Variants in TRMT11 observed in about 807,000 individuals in gnomAD.
TRMT11 encodes the protein tRNA (guanine(10)-N(2))-methyltransferase TRMT11.
TRMT11 carries 53 observed loss-of-function variants against 62.8 expected under a neutral mutation model. The ratio of observed to expected loss-of-function variants is 0.84; its 90% CI spans 0.68 to 1.06. The LOEUF (loss-of-function observed/expected upper bound fraction) is 1.06. Among genes scored for constraint, TRMT11 ranks in the 50% least tolerant of loss-of-function variants. The probability of loss-of-function intolerance (pLI) is 0.00; values close to 1 mark genes in which losing one functional copy is unlikely to be tolerated. For missense variants in TRMT11, 556 were observed against 553.4 expected (o/e 1.00, Z -0.05); for synonymous variants, 188 against 190.3 (o/e 0.99, Z 0.10).
intron 8 of TRMT11, chr6:126,009,546 A>G (rs572376778): frequency 6.6e-6 from 1 of 152,104 alleles, no homozygotes; most frequent in Non-Finnish European, 1.5e-5. Flanking sequence ...TTCCTCACCC[A>G]GTATAAGTTA....
intron 17 of TRMT11, among the ~76,000 whole-genome samples, chr6:126,072,793 C>T (rs1350844970): frequency 6.6e-6 from 1 of 152,038 alleles, no homozygotes; most frequent in Non-Finnish European, 1.5e-5. Context: ...GAGCAGAGAT[C>T]CTCTCTCTTA....
chr6:126,115,315 A>G (rs1357313320), intron 19 of TRMT11, among the ~76,000 whole-genome samples: 1 of 152,118 alleles, frequency 6.6e-6, no homozygotes, highest in Non-Finnish European at 1.5e-5. Flanking sequence ...CGTTATAAAC[A>G]CTTGGTATTT....
At chr6:126,101,081 A>C (rs901165989) in intron 17 of TRMT11, among the ~76,000 whole-genome samples, 1 of 152,108 alleles carries the variant, frequency 6.6e-6, no homozygotes, top group Non-Finnish European at 1.5e-5. Flanking sequence ...GCAGTTATAA[A>C]TACAGATGAA....
At chr6:126,221,208 G>A in the TRMT11 span, among the ~76,000 whole-genome samples, 1 of 152,138 alleles carries the variant, frequency 6.6e-6, no homozygotes, top group African/African-American at 2.4e-5. Flanking sequence ...TGTGAATAGG[G>A]CTGCAATGAA....
chr6:126,205,838 C>G (rs191398410), downstream of TRMT11, among the ~76,000 whole-genome samples: 1 of 150,516 alleles, frequency 6.6e-6, no homozygotes, highest in Admixed American at 6.7e-5. Context: ...AAAAAGATGG[C>G]GGAAACCTCA....
At chr6:126,136,176 T>A (rs749090931) in intron 21 of TRMT11, among the ~76,000 whole-genome samples, 1 of 151,480 alleles carries the variant, frequency 6.6e-6, no homozygotes, top group Non-Finnish European at 1.5e-5. Flanking sequence ...ACATCCAAAT[T>A]GGAAAGCAGG....
chr6:126,040,993 C>T (rs904706098), downstream of TRMT11, among the ~76,000 whole-genome samples: 1 of 152,030 alleles, frequency 6.6e-6, no homozygotes, highest in East Asian at 1.9e-4. Flanking sequence ...CAGCTTTGGG[C>T]CAGCTTGCCA....
intron 1 of TRMT11, among the ~76,000 whole-genome samples, chr6:126,180,398 C>T (rs968660085): frequency 1.6e-4 from 24 of 152,238 alleles, no homozygotes; most frequent in African/African-American, 5.5e-4. Flanking sequence ...TCATTCATTA[C>T]ACAGTCTATC....
At chr6:126,110,175 G>A (rs897332797) in intron 17 of TRMT11, among the ~76,000 whole-genome samples, 2 of 152,110 alleles carry the variant, frequency 1.3e-5, no homozygotes, top group African/African-American at 2.4e-5. Context: ...CACCTTATCT[G>A]CTATGGAGGC....
chr6:126,258,287 C>A, the TRMT11 span: 3 of 490,152 alleles, frequency 6.1e-6, no homozygotes, highest in Non-Finnish European at 1.2e-5. Context: ...AAAGTAAACA[C>A]GTGGTCCTGA....
the TRMT11 span, among the ~76,000 whole-genome samples, chr6:126,253,351 T>C: frequency 6.6e-6 from 1 of 152,218 alleles, no homozygotes; most frequent in South Asian, 2.1e-4. Context: ...AGGATTTTCC[T>C]GAGGCTGTTT....
intron 21 of TRMT11, among the ~76,000 whole-genome samples, chr6:126,147,989 A>G (rs144703700): frequency 1.3e-3 from 199 of 152,282 alleles, no homozygotes; most frequent in Non-Finnish European, 2.0e-3. Flanking sequence ...TGGCACATGT[A>G]TACTTATGTA....
At chr6:125,993,393 C>G (rs1423633817) in intron 1 of TRMT11, among the ~76,000 whole-genome samples, 2 of 152,018 alleles carry the variant, frequency 1.3e-5, no homozygotes, top group African/African-American at 2.4e-5. Flanking sequence ...TTATTTTTTT[C>G]TTTTCCAAAC....
chr6:125,994,313 C>CT (rs562039253), intron 2 of TRMT11, among the ~76,000 whole-genome samples: 66 of 145,856 alleles, frequency 4.5e-4, no homozygotes, highest in South Asian at 6.5e-4. Flanking sequence ...GCCTTCCAGT[C>CT]TTTTTTTTTT....
In TRMT11 at chr6:125,993,739, G is replaced by A. The variant is rs1405385315; in HGVS notation, c.73-18G>A. ...CTTTTTGTTAAAATGTATTTTCTCT[G>A]TAATATTTTCAATACAGGAAATAAA... On this transcript the variant is annotated intron_variant, in intron 1 of 12. Transcript: ENST00000334379. 2 of 1,556,020 alleles carry A rather than the reference G, an allele frequency of 1.3e-6. No individual in the cohort carries two copies. The highest frequency in any genetic ancestry group is 1.8e-6 in the Non-Finnish European group (2 of 1,129,504).
chr6:126,224,822 C>G, the TRMT11 span, among the ~76,000 whole-genome samples: 3 of 152,232 alleles, frequency 2.0e-5, no homozygotes, highest in Non-Finnish European at 2.9e-5. Context: ...GTTCTACATA[C>G]TTGCACGCAC....
intron 1 of TRMT11, among the ~76,000 whole-genome samples, chr6:125,990,984 C>T (rs546956794): frequency 1.8e-3 from 277 of 152,146 alleles, no homozygotes; most frequent in African/African-American, 6.4e-3. Context: ...CAGTGGCTCA[C>T]TCCTGTAATT....
intron 17 of TRMT11, among the ~76,000 whole-genome samples, chr6:126,097,197 A>C (rs966408864): frequency 2.0e-5 from 3 of 152,212 alleles, no homozygotes; most frequent in African/African-American, 7.2e-5. Context: ...TTGTGAACTT[A>C]GGAGTTCTAA....
intron 17 of TRMT11, among the ~76,000 whole-genome samples, chr6:126,090,407 A>G (rs1257461747): frequency 6.6e-6 from 1 of 152,116 alleles, no homozygotes; most frequent in Non-Finnish European, 1.5e-5. Flanking sequence ...AAAAGCCTTC[A>G]CCCTGATCTG....
Sources: gnomAD v4.1 joint callset for allele counts (sites outside exome capture counted in the v4.1 genomes callset) on GRCh38, gnomAD v4.1.1 for gene constraint, MANE v1.5 for transcripts, NCBI Gene and HGNC (gene_info 2026-07-23, HGNC 2026-07-21) for gene names.